The following LDLRAD4 variants were observed in gnomAD, a reference collection of about 807,000 sequenced individuals.
The protein encoded by LDLRAD4 is low-density lipoprotein receptor class A domain-containing protein 4.
In LDLRAD4, 5 loss-of-function variants were observed where a neutral mutation model predicts 17.0. The observed-to-expected ratio is 0.29, with a 90% CI of 0.15 to 0.62. The LOEUF (loss-of-function observed/expected upper bound fraction) is 0.62, where lower values mean the gene tolerates loss of function less well. LDLRAD4 is among the 20% of genes least tolerant of loss of function. The pLI is 0.84. For missense variants in LDLRAD4, 340 were observed against 424.7 expected (o/e 0.80, Z 1.75); for synonymous variants, 168 against 171.8 (o/e 0.98, Z 0.17).
intron 3 of LDLRAD4, among the ~76,000 whole-genome samples, chr18:13,498,468 T>TGC (rs1437356021): frequency 1.4e-5 from 2 of 147,342 alleles, no homozygotes; most frequent in Admixed American, 1.3e-4. Flanking sequence ...AGAATCCTTT[T>TGC]CCACACACAC....
intron 1 of LDLRAD4, among the ~76,000 whole-genome samples, chr18:13,222,266 G>T (rs909349570): frequency 4.0e-5 from 6 of 151,794 alleles, no homozygotes; most frequent in Non-Finnish European, 7.4e-5. Context: ...CCTGCTGAGG[G>T]ATCATTTCTG....
chr18:13,298,326 G>A (rs770964229), intron 1 of LDLRAD4, among the ~76,000 whole-genome samples: 24 of 151,750 alleles, frequency 1.6e-4, no homozygotes, highest in Non-Finnish European at 2.8e-4. Flanking sequence ...TTGCTGCTCC[G>A]GGCACGGTGA....
At chr18:13,242,642 TA>T (rs1241349531) in intron 1 of LDLRAD4, among the ~76,000 whole-genome samples, 2 of 152,230 alleles carry the variant, frequency 1.3e-5, no homozygotes, top group African/African-American at 4.8e-5. Context: ...TGTTATTTTT[TA>T]ATTAAAAAAT....
chr18:13,295,793 C>T (rs1226592417), intron 1 of LDLRAD4, among the ~76,000 whole-genome samples: 7 of 152,198 alleles, frequency 4.6e-5, no homozygotes, highest in African/African-American at 1.7e-4. Context: ...TAGAAATAAA[C>T]CATCATGTAT....
chr18:13,232,755 C>G (rs1036154713), intron 1 of LDLRAD4, among the ~76,000 whole-genome samples: 4 of 152,242 alleles, frequency 2.6e-5, no homozygotes, highest in Non-Finnish European at 5.9e-5. Flanking sequence ...CAGCTTCCTG[C>G]TCTCTCCTCC....
chr18:13,443,437 TTC>T (rs1176112269), intron 3 of LDLRAD4, among the ~76,000 whole-genome samples: 5 of 152,194 alleles, frequency 3.3e-5, no homozygotes, highest in Non-Finnish European at 5.9e-5. Flanking sequence ...TGCCAGACGC[TTC>T]TATTTTTTCC....
intron 1 of LDLRAD4, among the ~76,000 whole-genome samples, chr18:13,302,509 C>T (rs1216048712): frequency 6.6e-6 from 1 of 152,184 alleles, no homozygotes; most frequent in Non-Finnish European, 1.5e-5. Context: ...AGGAAACTCA[C>T]AGGGCTTTGC....
chr18:13,644,143 GA>G (rs1227127978), intron 5 of LDLRAD4, among the ~76,000 whole-genome samples: 3 of 152,098 alleles, frequency 2.0e-5, no homozygotes, highest in Admixed American at 2.0e-4. Flanking sequence ...GAGCCACAAA[GA>G]AAAAACAGTC....
intron 1 of LDLRAD4, among the ~76,000 whole-genome samples, chr18:13,381,348 G>C (rs564158153): frequency 6.6e-6 from 1 of 152,192 alleles, no homozygotes; most frequent in African/African-American, 2.4e-5. Flanking sequence ...GGTTACAGGC[G>C]TGAGGCACCG....
At chr18:13,648,163 T>G (rs2043087795) in exon 6 of LDLRAD4, 1 of 152,234 alleles carries the variant, frequency 6.6e-6, no homozygotes, top group South Asian at 2.1e-4. Context: ...TTCACAGTCC[T>G]TACTTCTCTA....
intron 4 of LDLRAD4, among the ~76,000 whole-genome samples, chr18:13,631,772 C>A (rs1023984126): frequency 6.6e-6 from 1 of 151,986 alleles, no homozygotes; most frequent in East Asian, 1.9e-4. Flanking sequence ...ACTAAAAATA[C>A]GAAAATTAAC....
intron 1 of LDLRAD4, among the ~76,000 whole-genome samples, chr18:13,339,922 A>G (rs1444118859): frequency 1.3e-5 from 2 of 152,150 alleles, no homozygotes; most frequent in Non-Finnish European, 2.9e-5. Flanking sequence ...GAAACTTCAT[A>G]TCCATTAAAC....
At chr18:13,395,759 C>T (rs2086640318) in intron 2 of LDLRAD4, among the ~76,000 whole-genome samples, 1 of 18,402 alleles carries the variant, frequency 5.4e-5, no homozygotes, top group African/African-American at 2.3e-4. Context: ...GGGGAGCTGG[C>T]GTGGGGGTGG....
chr18:13,329,499 TG>T (rs1316109964), intron 1 of LDLRAD4, among the ~76,000 whole-genome samples: 1 of 152,220 alleles, frequency 6.6e-6, no homozygotes, highest in Non-Finnish European at 1.5e-5. Context: ...GCCAGATCAT[TG>T]GTCATCTTGT....
intron 1 of LDLRAD4, among the ~76,000 whole-genome samples, chr18:13,384,847 T>C (rs527477641): frequency 2.6e-5 from 4 of 152,384 alleles, no homozygotes; most frequent in African/African-American, 9.6e-5. Flanking sequence ...TAGTACTCCA[T>C]TGTGTATGCA....
At chr18:13,397,467 A>G (rs980096680) in intron 2 of LDLRAD4, among the ~76,000 whole-genome samples, 11 of 152,084 alleles carry the variant, frequency 7.2e-5, no homozygotes, top group East Asian at 1.9e-4. Context: ...GGGTCTTACT[A>G]TGTTTTCCAG....
intron 3 of LDLRAD4, among the ~76,000 whole-genome samples, chr18:13,598,971 GACC>G (rs2095127670): frequency 6.6e-6 from 1 of 152,206 alleles, no homozygotes; most frequent in African/African-American, 2.4e-5. Context: ...AAGCAGTTGG[GACC>G]ATGCTATCAT....
At chr18:13,400,078 G>A (rs924158562) in intron 2 of LDLRAD4, among the ~76,000 whole-genome samples, 6 of 152,204 alleles carry the variant, frequency 3.9e-5, no homozygotes, top group Non-Finnish European at 8.8e-5. Context: ...GCCAGTCGGC[G>A]TTAGCGGTTA....
intron 3 of LDLRAD4, among the ~76,000 whole-genome samples, chr18:13,439,285 A>G (rs2090869461): frequency 6.6e-6 from 1 of 152,190 alleles, no homozygotes; most frequent in Non-Finnish European, 1.5e-5. Flanking sequence ...ATGGGAGGGG[A>G]TTTAAAAAAA....
Sources: gnomAD v4.1 joint callset for allele counts (sites outside exome capture counted in the v4.1 genomes callset) on GRCh38, gnomAD v4.1.1 for gene constraint, MANE v1.5 for transcripts, NCBI Gene and HGNC (gene_info 2026-07-23, HGNC 2026-07-21) for gene names.